Variants in NSD1 observed in about 807,000 individuals in gnomAD.
The protein encoded by NSD1 is histone-lysine N-methyltransferase, H3 lysine-36 specific.
Under a neutral mutation model 242.7 loss-of-function variants are expected in NSD1, and 26 were observed. The ratio of observed to expected loss-of-function variants is 0.11; its 90% CI spans 0.08 to 0.15. The LOEUF is 0.15. Among genes scored for constraint, NSD1 ranks in the 10% least tolerant of loss-of-function variants. The pLI, the probability that NSD1 is intolerant of heterozygous loss-of-function variation, is 1.00. For synonymous variants in NSD1, 1,106 were observed against 1,178.1 expected, an observed-to-expected ratio of 0.94 and a Z score of 1.25; for missense variants, 2,495 against 3,272.8, an observed-to-expected ratio of 0.76 and a Z score of 5.80.
At chr5:177,182,745 C>T (rs973146131) in intron 2 of NSD1, among the ~76,000 whole-genome samples, 17 of 152,170 alleles carry the variant, frequency 1.1e-4, no homozygotes, top group Non-Finnish European at 2.1e-4. Context: ...TCGAGTGATT[C>T]TCCTGCCTCA....
intron 14 of NSD1, chr5:177,264,802 T>C (rs1167599359): frequency 2.7e-6 from 2 of 750,684 alleles, no homozygotes; most frequent in African/African-American, 1.7e-5. Context: ...AGGCACCCAG[T>C]ACATGTTCTG....
rs192330898 is a variant in NSD1 at position 177,265,148 on chromosome 5, C to G, written c.5147-2414C>G. ...AGTTAACCTGGGTTCAACTGAAGCA[C>G]TAGCTTGCTCCACTCAGAGAAGCAT... On this transcript the variant is annotated intron_variant, in intron 14 of 22. Transcript: ENST00000439151. The G allele has an allele frequency of 1.0e-4, 76 of 760,436 alleles. No individual in the cohort carries two copies. The African/African-American group carries it at 1.2e-3, about 12-fold the overall frequency. 47.1% of individuals were successfully genotyped at this position (760,436 alleles called of 1,614,324 possible).
chr5:177,293,709 C>G (rs2127278878), intron 22 of NSD1, 123 bp from the exon 23 acceptor site: 1 of 1,074,568 alleles, frequency 9.3e-7, no homozygotes, highest in Non-Finnish European at 1.4e-6. Flanking sequence ...GGCATAAGCT[C>G]TCTGAAGCAG....
At chr5:177,252,177 G>T (rs576879995) in intron 12 of NSD1, among the ~76,000 whole-genome samples, 1 of 152,304 alleles carries the variant, frequency 6.6e-6, no homozygotes, top group South Asian at 2.1e-4. Flanking sequence ...AGTGCAGAAG[G>T]TCTAGTAATG....
chr5:177,133,649 CGCGCGCGCTCGGTGGGGGAAGGGGT>C (rs1756022455), upstream of NSD1: 1 of 149,512 alleles, frequency 6.7e-6, no homozygotes, highest in Non-Finnish European at 1.5e-5. The surrounding 1 kb of genome is among the most constrained non-coding windows in gnomAD (Gnocchi z 6.2). Flanking sequence ...GAGAAGGGAA[CGCGCGCGCTCGGTGGGGGAAGGGGT>C]GCGCGCGCAC....
intron 20 of NSD1, among the ~76,000 whole-genome samples, chr5:177,285,804 C>T (rs1759279485): frequency 6.6e-6 from 1 of 152,080 alleles, no homozygotes; most frequent in African/African-American, 2.4e-5. Context: ...TTCTCCTTTG[C>T]TCAGTCACTG....
In NSD1 at chr5:177,296,101, T is replaced by G. The variant is rs1760237880; in HGVS notation, c.*642T>G. 1 of 251,956 alleles carries G rather than the reference T, an allele frequency of 4.0e-6. No homozygotes were observed. Among genetic ancestry groups the G allele is most frequent in the African/African-American group, 2.2e-5 (1 of 45,582 alleles). 15.6% of individuals were successfully genotyped at this position (251,956 alleles called of 1,614,324 possible). On this transcript the variant is annotated 3_prime_UTR_variant, in exon 23 of 23. Coordinates refer to ENST00000439151, the MANE Select transcript of NSD1 (RefSeq NM_022455.5). ...GTGGTTGTGTTGAGGAAGTGTCTCT[T>G]GGCTGCGGTGTGCATGGGTGCGTGT...
chr5:177,181,427 G>GGTTTTTTTTTT (rs370160097), intron 2 of NSD1, among the ~76,000 whole-genome samples: 1 of 117,334 alleles, frequency 8.5e-6, no homozygotes, highest in Non-Finnish European at 1.7e-5. Flanking sequence ...TTTTTTTTTG[G>GGTTTTTTTTTT]TTTTTTTTTT....
intron 8 of NSD1, among the ~76,000 whole-genome samples, chr5:177,240,149 C>A (rs1562246807): frequency 6.6e-6 from 1 of 152,114 alleles, no homozygotes; most frequent in African/African-American, 2.4e-5. Flanking sequence ...TTTCTGGGTT[C>A]AAATCCTCTT....
chr5:177,223,081 C>CTTT (rs559743026), intron 5 of NSD1, among the ~76,000 whole-genome samples: 1 of 136,520 alleles, frequency 7.3e-6, no homozygotes, highest in Non-Finnish European at 1.6e-5. Context: ...TTTTCTTTTT[C>CTTT]TTTTTTTTTT....
intron 5 of NSD1, among the ~76,000 whole-genome samples, chr5:177,224,743 A>C (rs1178363706): frequency 6.6e-6 from 1 of 151,450 alleles, no homozygotes; most frequent in Non-Finnish European, 1.5e-5. Flanking sequence ...TGGAAAAAGC[A>C]GACATCCTTG....
At position 177,179,620 on chromosome 5, in the gene NSD1, G is replaced by C. The variant is rs1205910801; in HGVS notation, c.928-12264G>C. On this transcript the variant is annotated intron_variant, in intron 2 of 22. Coordinates refer to ENST00000439151, the MANE Select transcript of NSD1 (RefSeq NM_022455.5). ...CTGCTTTGACTTGGAATGTGGAGCA[G>C]CCAGCTTTCTTATCACCCTCTTGGG... Among the ~76,000 whole-genome samples, 4 of 152,234 alleles carry C rather than the reference G, an allele frequency of 2.6e-5. No homozygotes were observed. In the East Asian group the frequency reaches 7.7e-4, roughly 29 times the overall value.
intron 12 of NSD1, among the ~76,000 whole-genome samples, chr5:177,253,612 G>T (rs1444916451): frequency 6.6e-6 from 1 of 151,618 alleles, no homozygotes; most frequent in East Asian, 1.9e-4. Context: ...TACCCTCCCT[G>T]CCCCTTCCCT....
chr5:177,284,037 C>T lies in NSD1; in HGVS notation c.6151+109C>T, dbSNP rs1003293282. 4.7e-5 allele frequency: 62 copies of T among 1,327,398 alleles called. 2 individuals carry two copies. In the South Asian group the frequency reaches 5.7e-4, roughly 12 times the overall value. The allele number at this position is 1,327,398 out of a possible 1,614,324, so 82.2% of individuals were successfully genotyped here. A position where few individuals can be genotyped will look rare whatever the true frequency, so the allele number is the denominator to read the frequency against. ...TTTAAACATTTCTATATGTACCGTT[C>T]TCTGGAATTAAGTTCATTTACATTT... On this transcript the variant is annotated intron_variant, in intron 20 of 22. Transcript: ENST00000439151.
chr5:177,269,647 C>T lies in NSD1; in HGVS notation c.5349C>T (p.Asn1783=). ...GCCATCCTCGAGCTGTTCCTTCCAA[C>T]ATTGATAAGATGAGACATGATGTGG... The part of the protein sequence containing the change: ...EICHPRAVPS[N]IDKMRHDVGE... The change falls in exon 16 of 23, where the codon AAC becomes AAT. Residue 1783 remains asparagine, a synonymous_variant. Coordinates refer to ENST00000439151, the MANE Select transcript of NSD1 (RefSeq NM_022455.5). The surrounding 1 kb of genome is among the most constrained non-coding windows in gnomAD (Gnocchi z 5.1). 6.2e-7 allele frequency: 1 copy of T among 1,614,120 alleles called. No homozygotes were observed. Among genetic ancestry groups the T allele is most frequent in the Non-Finnish European group, 8.5e-7 (1 of 1,180,030 alleles).
intron 2 of NSD1, among the ~76,000 whole-genome samples, chr5:177,185,920 T>TATA: frequency 1.2e-5 from 1 of 86,712 alleles, no homozygotes; most frequent in Admixed American, 2.0e-4. Flanking sequence ...TTATATATAT[T>TATA]TATATATATA....
chr5:177,146,642 T>C (rs1483862159), intron 2 of NSD1, among the ~76,000 whole-genome samples: 1 of 152,218 alleles, frequency 6.6e-6, no homozygotes, highest in East Asian at 1.9e-4. Flanking sequence ...TAGTCTTTCA[T>C]TGTGTGTATA....
At chr5:177,259,087 G>A (rs1225042882) in intron 13 of NSD1, among the ~76,000 whole-genome samples, 2 of 151,760 alleles carry the variant, frequency 1.3e-5, no homozygotes, top group African/African-American at 4.8e-5. Flanking sequence ...TGCCTGCCTT[G>A]GCCTCCCAAA....
At chr5:177,186,878 C>T (rs757246514) in intron 2 of NSD1, among the ~76,000 whole-genome samples, 4 of 152,012 alleles carry the variant, frequency 2.6e-5, no homozygotes, top group African/African-American at 2.4e-5. Flanking sequence ...GAAATCAACG[C>T]GCCACTGCAC....
Sources: allele counts gnomAD v4.1 joint callset (sites outside exome capture counted in the v4.1 genomes callset), GRCh38; gene constraint gnomAD v4.1.1; non-coding constraint Gnocchi (gnomAD v3.1); transcripts MANE v1.5; gene names NCBI Gene and HGNC (gene_info 2026-07-23, HGNC 2026-07-21).